Variants in NSL1 observed in about 807,000 individuals in gnomAD.
The protein encoded by NSL1 is kinetochore-associated protein NSL1 homolog.
In NSL1, 11 loss-of-function variants were observed where a neutral mutation model predicts 25.4. The observed-to-expected ratio is 0.43, with a 90% CI of 0.27 to 0.72. The LOEUF (loss-of-function observed/expected upper bound fraction) is 0.72. NSL1 is among the 30% of genes least tolerant of loss of function. The pLI is 0.19. For synonymous variants in NSL1, 118 were observed against 120.6 expected (o/e 0.98, Z 0.14); for missense variants, 330 against 342.7 (o/e 0.96, Z 0.29).
chr1:212,769,075 G>A (rs1250933651), intron 4 of NSL1, among the ~76,000 whole-genome samples: 8 of 145,056 alleles, frequency 5.5e-5, no homozygotes, highest in African/African-American at 2.0e-4. Context: ...AAATGGAGGA[G>A]GAATAAAAAA....
chr1:212,788,230 C>T (rs549494273), intron 1 of NSL1, among the ~76,000 whole-genome samples: 1 of 152,300 alleles, frequency 6.6e-6, no homozygotes, highest in African/African-American at 2.4e-5. Context: ...AGGCAACACA[C>T]TGAGACAACC....
At chr1:212,775,817 T>A (rs1019619206) in intron 4 of NSL1, among the ~76,000 whole-genome samples, 5 of 151,982 alleles carry the variant, frequency 3.3e-5, no homozygotes, top group African/African-American at 1.2e-4. Context: ...GTAGTAACCA[T>A]AAATTGGTGG....
At chr1:212,745,828 G>T (rs917426973) in intron 4 of NSL1, among the ~76,000 whole-genome samples, 1 of 152,120 alleles carries the variant, frequency 6.6e-6, no homozygotes, top group Non-Finnish European at 1.5e-5. Flanking sequence ...AGCTGGGCTT[G>T]GTGGCACATG....
chr1:212,729,504 G>A lies in NSL1; in HGVS notation c.*8904C>T. ...AAGATCCTGAGGCTCTGGAGCTGGGGTGTATGGGACCTGGAGCAGGGGTGC... is the reference window on the plus strand; with the variant it reads ...AAGATCCTGAGGCTCTGGAGCTGGGATGTATGGGACCTGGAGCAGGGGTGC... On this transcript the variant is annotated 3_prime_UTR_variant, in exon 6 of 6. Transcript: ENST00000366977. 1 of 985,348 alleles carries A rather than the reference G, an allele frequency of 1.0e-6. No individual in the cohort carries two copies. Among genetic ancestry groups the A allele is most frequent in the Non-Finnish European group, 1.2e-6 (1 of 829,860 alleles). 61.0% of individuals were successfully genotyped at this position (985,348 alleles called of 1,614,324 possible). A position where few individuals can be genotyped will look rare whatever the true frequency, so the allele number is the denominator to read the frequency against.
At position 212,726,666 on chromosome 1, in the gene NSL1, C is replaced by T. The variant is rs185109512; in HGVS notation, c.*11742G>A. 9 of 154,062 alleles carry T rather than the reference C, an allele frequency of 5.8e-5. No individual in the cohort carries two copies. Among genetic ancestry groups the T allele is most frequent in the Admixed American group, 2.0e-4 (3 of 15,336 alleles). 9.5% of individuals were successfully genotyped at this position (154,062 alleles called of 1,614,324 possible). A position where few individuals can be genotyped will look rare whatever the true frequency, so the allele number is the denominator to read the frequency against. ...CCACCTGGCTCATCTCAGCTCCCAG[C>T]GGCACTGTGTTACCCCTGAGGTTGG... is the stretch of plus-strand genomic sequence containing the variant. On this transcript the variant is annotated 3_prime_UTR_variant, in exon 6 of 6. Coordinates refer to ENST00000366977, the MANE Select transcript of NSL1 (RefSeq NM_015471.4).
Position 212,736,646 on chromosome 1 carries a change from A to G in NSL1, c.*1762T>C. 1.0e-6 allele frequency: 1 copy of G among 985,268 alleles called. No individual in the cohort carries two copies. 61.0% of individuals were successfully genotyped at this position (985,268 alleles called of 1,614,324 possible). On this transcript the variant is annotated 3_prime_UTR_variant, in exon 6 of 6. Transcript: ENST00000366977. ...TATGGAGTAAAACTTTGGGCTCTCAAGAGGATTTCAAATCTCAGCTGTCTG... is the reference window on the plus strand; with the variant it reads ...TATGGAGTAAAACTTTGGGCTCTCAGGAGGATTTCAAATCTCAGCTGTCTG...
intron 4 of NSL1, among the ~76,000 whole-genome samples, chr1:212,755,153 A>C (rs1659244847): frequency 6.6e-6 from 1 of 152,236 alleles, no homozygotes; most frequent in Admixed American, 6.5e-5. Context: ...AATTTACTGC[A>C]GATGAAATGA....
Position 212,728,351 on chromosome 1 carries a change from G to T in NSL1, c.*10057C>A. On this transcript the variant is annotated 3_prime_UTR_variant, in exon 6 of 6. Coordinates refer to ENST00000366977, the MANE Select transcript of NSL1 (RefSeq NM_015471.4). ...TATATGCCTGTTTTAAAAATATGCT[G>T]CTTTAAACAGTTCTACAATTCACGC... The T allele has an allele frequency of 1.0e-6, 1 of 985,362 alleles. No homozygotes were observed. Among genetic ancestry groups the T allele is most frequent in the South Asian group, 4.7e-5 (1 of 21,284 alleles). 61.0% of individuals were successfully genotyped at this position (985,362 alleles called of 1,614,324 possible).
At chr1:212,768,906 G>A (rs1659965703) in intron 4 of NSL1, among the ~76,000 whole-genome samples, 1 of 152,076 alleles carries the variant, frequency 6.6e-6, no homozygotes, top group Non-Finnish European at 1.5e-5. Flanking sequence ...AGATCTAGCA[G>A]AATAAAGAAT....
At chr1:212,788,911 C>T (rs1661059484) in intron 1 of NSL1, among the ~76,000 whole-genome samples, 1 of 151,930 alleles carries the variant, frequency 6.6e-6, no homozygotes, top group Non-Finnish European at 1.5e-5. Flanking sequence ...TTAATGGAGA[C>T]AAACAAACAT....
At position 212,791,753 on chromosome 1, in the gene NSL1, G is replaced by A. The variant is rs17856201; in HGVS notation, c.11C>T (p.Ser4Phe). 239,770 of 1,604,064 alleles carry A rather than the reference G, an allele frequency of 0.15. 19,085 individuals are homozygous for A. Among genetic ancestry groups the A allele is most frequent in the African/African-American group, 0.28 (21,268 of 74,690 alleles). Reference sequence around the variant, plus strand: ...AGGGTCAAGGACCACCAACTCAGGAGACCCCGCCATTTTTCGTCGGAACTG... The same window carrying A: ...AGGGTCAAGGACCACCAACTCAGGAAACCCCGCCATTTTTCGTCGGAACTG... MAG[S>F]PELVVLDPPW... Residue 4 changes from serine to phenylalanine, a missense_variant, in exon 1 of 6, where the codon TCT (serine) becomes TTT (phenylalanine). Transcript: ENST00000366977.
Position 212,730,713 on chromosome 1 carries a change from C to A in NSL1, c.*7695G>T. Reference sequence around the variant, plus strand: ...TGCCATCCTCTGCTCTTATGTCCTGCAGGGATATGGGAATTAGACTTAGTT... The same window carrying A: ...TGCCATCCTCTGCTCTTATGTCCTGAAGGGATATGGGAATTAGACTTAGTT... On this transcript the variant is annotated 3_prime_UTR_variant, in exon 6 of 6. Transcript: ENST00000366977. The A allele has an allele frequency of 1.0e-6, 1 of 985,362 alleles. No homozygotes were observed. The highest frequency in any genetic ancestry group is 1.2e-6 in the Non-Finnish European group (1 of 829,912). The allele number at this position is 985,362 out of a possible 1,614,324, so 61.0% of individuals were successfully genotyped here.
At chr1:212,766,145 A>C (rs1558053557) in intron 4 of NSL1, 1 of 528,084 alleles carries the variant, frequency 1.9e-6, no homozygotes, top group Non-Finnish European at 3.4e-6. Flanking sequence ...CAAAAAAAAA[A>C]AAACAAAAAA....
intron 4 of NSL1, among the ~76,000 whole-genome samples, chr1:212,776,768 A>G (rs1269422305): frequency 6.6e-6 from 1 of 151,910 alleles, no homozygotes; most frequent in African/African-American, 2.4e-5. Flanking sequence ...AAAAACTTCT[A>G]TATAGTATTT....
rs186956879 is a variant in NSL1 at position 212,727,838 on chromosome 1, C to T, written c.*10570G>A. On this transcript the variant is annotated 3_prime_UTR_variant, in exon 6 of 6. Transcript: ENST00000366977. ...GTATTACATAGTAATATTCACTATT[C>T]GTTAACTGCTGGGAAATTTAAAAAT... 301 of 983,986 alleles carry T rather than the reference C, an allele frequency of 3.1e-4. 2 individuals are homozygous for T. In the African/African-American group the frequency reaches 5.0e-3, roughly 16 times the overall value. 61.0% of individuals were successfully genotyped at this position (983,986 alleles called of 1,614,324 possible).
intron 3 of NSL1, 152 bp downstream of exon 3, chr1:212,784,211 A>G: frequency 2.0e-6 from 1 of 490,510 alleles, no homozygotes; most frequent in Non-Finnish European, 3.6e-6. Context: ...TACAACTTAG[A>G]AGAGTAAAGT....
intron 4 of NSL1, among the ~76,000 whole-genome samples, chr1:212,758,089 T>C (rs1659395330): frequency 6.6e-6 from 1 of 152,200 alleles, no homozygotes; most frequent in Non-Finnish European, 1.5e-5. Flanking sequence ...CTTCTAACAT[T>C]TTTGGAATGT....
rs1013275204 is a variant in NSL1, at chr1:212,732,908, C to A, written c.*5500G>T. Reference sequence around the variant, plus strand: ...TATGCTGAGAATATTTCTCCAGATGCTTCTAGATTTTAGGATTGTTGTTTA... The same window carrying A: ...TATGCTGAGAATATTTCTCCAGATGATTCTAGATTTTAGGATTGTTGTTTA... On this transcript the variant is annotated 3_prime_UTR_variant, in exon 6 of 6. Transcript: ENST00000366977. Among the ~76,000 whole-genome samples, 1 of 152,208 alleles carries A rather than the reference C, an allele frequency of 6.6e-6. No individual in the cohort carries two copies. Among genetic ancestry groups the A allele is most frequent in the African/African-American group, 2.4e-5 (1 of 41,462 alleles).
Position 212,738,635 on chromosome 1 carries a change from T to C in NSL1, c.619A>G (p.Met207Val). ...QGEGFSQVLRMQPVIHLQRIH... is the reference protein window; with the variant it reads ...QGEGFSQVLRVQPVIHLQRIH... ...CTCTGGAGGTGGATAACAGGCTGCA[T>C]CCTGAGAACTTGGGAAAATCCCTCT... is the stretch of plus-strand genomic sequence containing the variant. Residue 207 changes from methionine to valine, a missense_variant, in exon 6 of 6, where the codon ATG becomes GTG. Met to Val is a conservative substitution (Grantham distance 21, BLOSUM62 1). Coordinates refer to ENST00000366977, the MANE Select transcript of NSL1 (RefSeq NM_015471.4). The C allele has an allele frequency of 6.2e-7, 1 of 1,614,168 alleles. No homozygotes were observed. Among genetic ancestry groups the C allele is most frequent in the Non-Finnish European group, 8.5e-7 (1 of 1,179,998 alleles).
Sources: allele counts gnomAD v4.1 joint callset (sites outside exome capture counted in the v4.1 genomes callset), GRCh38; gene constraint gnomAD v4.1.1; transcripts MANE v1.5; gene names NCBI Gene and HGNC (gene_info 2026-07-23, HGNC 2026-07-21).